Variants in ACTR3B observed in about 807,000 individuals in gnomAD.
ACTR3B encodes actin related protein 3B.
ACTR3B carries 8 observed loss-of-function variants against 59.0 expected under a neutral mutation model. The ratio of observed to expected loss-of-function variants is 0.14; its 90% CI spans 0.08 to 0.24. The LOEUF (loss-of-function observed/expected upper bound fraction) is 0.24, where lower values mean the gene tolerates loss of function less well. ACTR3B is among the 10% of genes least tolerant of loss of function. The pLI is 1.00. For synonymous variants in ACTR3B, 148 were observed against 197.9 expected, an observed-to-expected ratio of 0.75 and a Z score of 2.12; for missense variants, 245 against 552.3, an observed-to-expected ratio of 0.44 and a Z score of 5.58.
At chr7:152,765,384 T>A in intron 1 of ACTR3B, among the ~76,000 whole-genome samples, 1 of 151,606 alleles carries the variant, frequency 6.6e-6, no homozygotes, top group Non-Finnish European at 1.5e-5. Context: ...CCCAAAGTGC[T>A]GAGATTACAG....
At chr7:152,763,713 T>C (rs1370489441) in intron 1 of ACTR3B, among the ~76,000 whole-genome samples, 3 of 152,232 alleles carry the variant, frequency 2.0e-5, no homozygotes, top group Non-Finnish European at 4.4e-5. Flanking sequence ...CGTGAGCCAC[T>C]GTGCCTGGCC....
intron 1 of ACTR3B, among the ~76,000 whole-genome samples, chr7:152,774,630 G>A (rs1184195286): frequency 6.6e-6 from 1 of 152,000 alleles, no homozygotes; most frequent in Non-Finnish European, 1.5e-5. Context: ...CAAAAGGGCA[G>A]TGTGCTTTAT....
Position 152,802,706 on chromosome 7 carries a change from A to G in ACTR3B, c.336+975A>G, listed in dbSNP as rs569641034. ...GACGTAAGCTGCGTATTAAACCTGC[A>G]TAATTTAGGTTTGGATTTTTTTTCA... On this transcript the variant is annotated intron_variant, in intron 4 of 11. Transcript: ENST00000256001. Among the ~76,000 whole-genome samples, 17 of 152,108 alleles carry G rather than the reference A, an allele frequency of 1.1e-4. No individual in the cohort carries two copies. The South Asian group carries it at 3.3e-3, about 30-fold the overall frequency.
intron 9 of ACTR3B, among the ~76,000 whole-genome samples, chr7:152,836,355 C>G (rs989244015): frequency 2.0e-5 from 3 of 151,820 alleles, no homozygotes; most frequent in Non-Finnish European, 4.4e-5. Flanking sequence ...CCCATCACTT[C>G]GGGAGGCCAA....
At chr7:152,796,847 G>T (rs1275137595) in intron 2 of ACTR3B, among the ~76,000 whole-genome samples, 1 of 130,264 alleles carries the variant, frequency 7.7e-6, no homozygotes, top group African/African-American at 2.8e-5. Context: ...TGGGACTCCC[G>T]GCTAGTTTTT....
At chr7:152,811,702 A>G (rs1311372834) in intron 4 of ACTR3B, 3 of 151,992 alleles carry the variant, frequency 2.0e-5, no homozygotes, top group Non-Finnish European at 4.4e-5. Flanking sequence ...TTTAGGGGTA[A>G]CTATCTCCTT....
At chr7:152,843,524 G>A (rs1445905091) in intron 9 of ACTR3B, among the ~76,000 whole-genome samples, 1 of 152,210 alleles carries the variant, frequency 6.6e-6, no homozygotes, top group African/African-American at 2.4e-5. Flanking sequence ...GTATGGTTAT[G>A]TGAATAAAAG....
chr7:152,768,308 T>C (rs1251687778), intron 1 of ACTR3B, among the ~76,000 whole-genome samples: 1 of 152,244 alleles, frequency 6.6e-6, no homozygotes, highest in Non-Finnish European at 1.5e-5. Context: ...ACTGCTTTTT[T>C]ATTGACACAG....
intron 9 of ACTR3B, among the ~76,000 whole-genome samples, chr7:152,825,346 C>G (rs987640516): frequency 6.6e-6 from 1 of 152,148 alleles, no homozygotes; most frequent in Admixed American, 6.5e-5. Flanking sequence ...GACTCTTGCT[C>G]TGTCACCCGG....
At chr7:152,789,000 C>G (rs142111465) in intron 2 of ACTR3B, among the ~76,000 whole-genome samples, 1 of 151,920 alleles carries the variant, frequency 6.6e-6, no homozygotes, top group African/African-American at 2.4e-5. Flanking sequence ...CCAGCCTGGG[C>G]AGCAGAACCA....
At chr7:152,803,346 C>A (rs2098242834) in intron 4 of ACTR3B, among the ~76,000 whole-genome samples, 1 of 152,226 alleles carries the variant, frequency 6.6e-6, no homozygotes, top group Non-Finnish European at 1.5e-5. Context: ...CCATACCCGG[C>A]CCACAGTTGT....
At chr7:152,801,895 A>G (rs2098237801) in intron 4 of ACTR3B, among the ~76,000 whole-genome samples, 164 bp downstream of exon 4, 1 of 94,008 alleles carries the variant, frequency 1.1e-5, no homozygotes. Context: ...TGTTCAGAAC[A>G]AAAAGGGCTT....
At chr7:152,838,385 G>A (rs1192054147) in intron 9 of ACTR3B, among the ~76,000 whole-genome samples, 1,239 of 150,278 alleles carry the variant, frequency 8.2e-3, no homozygotes, top group African/African-American at 0.03. Flanking sequence ...GTCCTTTGCA[G>A]GGACGTGGAT....
intron 1 of ACTR3B, among the ~76,000 whole-genome samples, chr7:152,782,266 T>C (rs1471362087): frequency 1.3e-5 from 2 of 148,298 alleles, no homozygotes; most frequent in Admixed American, 1.3e-4. Context: ...TAATAAGCAT[T>C]ATTACAGAAT....
intron 1 of ACTR3B, among the ~76,000 whole-genome samples, chr7:152,775,133 A>G (rs538779673): frequency 8.8e-5 from 13 of 147,330 alleles, no homozygotes; most frequent in South Asian, 4.4e-4. Flanking sequence ...CAATGCTGCA[A>G]TGAGCTATGA....
At chr7:152,794,838 G>T (rs1027939004) in intron 2 of ACTR3B, among the ~76,000 whole-genome samples, 2 of 152,080 alleles carry the variant, frequency 1.3e-5, no homozygotes, top group African/African-American at 2.4e-5. Flanking sequence ...CACTTCACTC[G>T]TGCTTTCTTC....
chr7:152,841,862 A>C (rs1369245893), intron 9 of ACTR3B, among the ~76,000 whole-genome samples: 68 of 152,220 alleles, frequency 4.5e-4, no homozygotes, highest in Admixed American at 1.2e-3. Flanking sequence ...ATCACTTGGT[A>C]TTATGTTGCT....
intron 11 of ACTR3B, among the ~76,000 whole-genome samples, 176 bp downstream of exon 11, chr7:152,853,753 G>T (rs1308802948): frequency 6.6e-6 from 1 of 152,138 alleles, no homozygotes; most frequent in Non-Finnish European, 1.5e-5. Context: ...GTCTCACTCT[G>T]TCGCCCAGGC....
At chr7:152,821,232 C>T (rs1796125935) in intron 7 of ACTR3B, among the ~76,000 whole-genome samples, 5 of 152,080 alleles carry the variant, frequency 3.3e-5, no homozygotes, top group Admixed American at 3.3e-4. Context: ...TAAAATATTT[C>T]CTAAGGGGTC....
Sources: allele counts gnomAD v4.1 joint callset (sites outside exome capture counted in the v4.1 genomes callset), GRCh38; gene constraint gnomAD v4.1.1; transcripts MANE v1.5; gene names NCBI Gene and HGNC (gene_info 2026-07-23, HGNC 2026-07-21).